The following FHIT variants were observed in gnomAD, a reference collection of about 807,000 sequenced individuals.
The protein encoded by FHIT is fragile histidine triad diadenosine triphosphatase, also known as bis(5'-adenosyl)-triphosphatase.
FHIT carries 19 observed loss-of-function variants against 17.9 expected under a neutral mutation model. The observed-to-expected ratio is 1.06, with a 90% CI of 0.74 to 1.56. The LOEUF (loss-of-function observed/expected upper bound fraction) is 1.56. Among genes scored for constraint, FHIT ranks in the 40% most tolerant of loss-of-function variants. The pLI is 0.00. For synonymous variants in FHIT, 81 were observed against 69.7 expected (o/e 1.16, Z -0.81); for missense variants, 248 against 189.2 (o/e 1.31, Z -1.82).
chr3:60,291,009 T>C (rs1707959020), intron 5 of FHIT, among the ~76,000 whole-genome samples: 1 of 152,116 alleles, frequency 6.6e-6, no homozygotes, highest in African/African-American at 2.4e-5. Flanking sequence ...TCTTTGTGGA[T>C]TAATTAATTA....
chr3:60,407,627 A>G (rs1351949416), intron 5 of FHIT, among the ~76,000 whole-genome samples: 1 of 152,064 alleles, frequency 6.6e-6, no homozygotes, highest in Non-Finnish European at 1.5e-5. Context: ...CGATCCTCCT[A>G]TCTCGGCCTC....
At chr3:61,228,777 A>G (rs907403654) in intron 1 of FHIT, among the ~76,000 whole-genome samples, 1 of 152,194 alleles carries the variant, frequency 6.6e-6, no homozygotes, top group Non-Finnish European at 1.5e-5. Context: ...AACTTCACAT[A>G]AGAAACCTGG....
chr3:59,965,937 G>T (rs993359263), intron 7 of FHIT, among the ~76,000 whole-genome samples: 1 of 152,170 alleles, frequency 6.6e-6, no homozygotes, highest in East Asian at 1.9e-4. Context: ...TGGGAAATGA[G>T]ACTTCTAGGG....
At chr3:60,056,874 C>G (rs1702104657) in intron 5 of FHIT, among the ~76,000 whole-genome samples, 1 of 152,168 alleles carries the variant, frequency 6.6e-6, no homozygotes, top group Non-Finnish European at 1.5e-5. Flanking sequence ...TGACATCAAT[C>G]AGATCCCCAA....
intron 2 of FHIT, among the ~76,000 whole-genome samples, chr3:61,121,874 G>C (rs563060103): frequency 1.3e-5 from 2 of 152,192 alleles, no homozygotes; most frequent in East Asian, 1.9e-4. Context: ...CAAAATAAAC[G>C]TATGGAGGAA....
intron 5 of FHIT, among the ~76,000 whole-genome samples, chr3:60,118,578 G>C (rs909014438): frequency 9.2e-5 from 14 of 151,800 alleles, no homozygotes; most frequent in African/African-American, 3.4e-4. Flanking sequence ...TAGAATCTTT[G>C]GTCTCCCCAG....
intron 5 of FHIT, among the ~76,000 whole-genome samples, chr3:60,407,912 TA>T (rs1322731041): frequency 2.0e-5 from 3 of 152,146 alleles, no homozygotes; most frequent in Non-Finnish European, 4.4e-5. Flanking sequence ...TGAACCCTAA[TA>T]AAATGAAGAG....
chr3:60,695,336 C>T (rs2041090087), intron 4 of FHIT, among the ~76,000 whole-genome samples: 2 of 152,126 alleles, frequency 1.3e-5, no homozygotes, highest in South Asian at 4.1e-4. Context: ...GCAAAGGTTG[C>T]AGTGAGCCGA....
At chr3:60,153,364 GAAAAAA>G (rs71089587) in intron 5 of FHIT, among the ~76,000 whole-genome samples, 3 of 106,506 alleles carry the variant, frequency 2.8e-5, no homozygotes, top group Non-Finnish European at 3.7e-5. Context: ...CAATTCACCA[GAAAAAA>G]AAAAAAAAAA....
chr3:61,016,892 A>G (rs1428283809), intron 3 of FHIT, among the ~76,000 whole-genome samples: 2 of 152,288 alleles, frequency 1.3e-5, no homozygotes, highest in Non-Finnish European at 2.9e-5. Context: ...AAATGGGTGT[A>G]TATGTCCAGG....
chr3:60,638,060 T>C (rs2039633412), intron 4 of FHIT, among the ~76,000 whole-genome samples: 2 of 152,154 alleles, frequency 1.3e-5, no homozygotes, highest in Non-Finnish European at 1.5e-5. Context: ...ATAGATCAAA[T>C]ACACAAACAT....
chr3:61,014,891 C>T (rs1575840601), intron 3 of FHIT, among the ~76,000 whole-genome samples: 2 of 134,506 alleles, frequency 1.5e-5, no homozygotes, highest in East Asian at 4.4e-4. Flanking sequence ...TATATCTATA[C>T]ATACATCCAT....
intron 4 of FHIT, among the ~76,000 whole-genome samples, chr3:60,717,544 G>A (rs1163759880): frequency 6.6e-6 from 1 of 152,128 alleles, no homozygotes; most frequent in Non-Finnish European, 1.5e-5. Context: ...AGGGCTACCC[G>A]AGCAGCAGCG....
intron 5 of FHIT, among the ~76,000 whole-genome samples, chr3:60,352,350 G>A (rs1037793088): frequency 1.3e-5 from 2 of 152,158 alleles, no homozygotes; most frequent in South Asian, 2.1e-4. Flanking sequence ...ACTAAGAATT[G>A]TACAACTCAA....
chr3:60,410,287 AT>A (rs1013920139), intron 5 of FHIT, among the ~76,000 whole-genome samples: 1 of 152,186 alleles, frequency 6.6e-6, no homozygotes, highest in African/African-American at 2.4e-5. Context: ...CAGGTAATGT[AT>A]GGATAATTGC....
chr3:60,959,921 G>A (rs1271882074), intron 3 of FHIT, among the ~76,000 whole-genome samples: 1 of 150,510 alleles, frequency 6.6e-6, no homozygotes, highest in Admixed American at 6.6e-5. Flanking sequence ...CAGTGAACAT[G>A]CGTTGCTTTT....
chr3:60,681,428 T>C (rs1553696837), intron 4 of FHIT, among the ~76,000 whole-genome samples: 1 of 152,178 alleles, frequency 6.6e-6, no homozygotes, highest in Non-Finnish European at 1.5e-5. Flanking sequence ...GTCCAACTAA[T>C]AAGCAGACAA....
At chr3:60,364,684 A>G (rs1256432903) in intron 5 of FHIT, among the ~76,000 whole-genome samples, 1 of 152,212 alleles carries the variant, frequency 6.6e-6, no homozygotes, top group Admixed American at 6.5e-5. Flanking sequence ...ACTGATAAAC[A>G]TTATTTCTGT....
chr3:60,340,781 C>A (rs1710477561), intron 5 of FHIT, among the ~76,000 whole-genome samples: 1 of 152,116 alleles, frequency 6.6e-6, no homozygotes. Context: ...CATCTTGGCT[C>A]ACCACAACCT....
Sources: allele counts gnomAD v4.1 joint callset (sites outside exome capture counted in the v4.1 genomes callset), GRCh38; gene constraint gnomAD v4.1.1; transcripts MANE v1.5; gene names NCBI Gene and HGNC (gene_info 2026-07-23, HGNC 2026-07-21).